FRY: variants seen among roughly 807,000 people sequenced by gnomAD.
The protein encoded by FRY is protein furry homolog.
In FRY, 128 loss-of-function variants were observed where a neutral mutation model predicts 348.4. The ratio of observed to expected loss-of-function variants is 0.37; its 90% CI spans 0.32 to 0.43. The LOEUF (loss-of-function observed/expected upper bound fraction) is 0.43. Among genes scored for constraint, FRY ranks in the 20% least tolerant of loss-of-function variants. The pLI, the probability that FRY is intolerant of heterozygous loss-of-function variation, is 1.00. For missense variants in FRY, 2,736 were observed against 3,695.2 expected, an observed-to-expected ratio of 0.74 and a Z score of 6.73; for synonymous variants, 1,370 against 1,374.7, an observed-to-expected ratio of 1.00 and a Z score of 0.08.
At chr13:32,130,433 T>A (rs1206854877) in intron 7 of FRY, among the ~76,000 whole-genome samples, 1 of 149,222 alleles carries the variant, frequency 6.7e-6, no homozygotes, top group Non-Finnish European at 1.5e-5. Flanking sequence ...AATCTTAGAC[T>A]GTTTTCTTTG....
At chr13:32,278,141 A>G (rs1037699926) in intron 57 of FRY, among the ~76,000 whole-genome samples, 2 of 152,164 alleles carry the variant, frequency 1.3e-5, no homozygotes, top group African/African-American at 4.8e-5. Flanking sequence ...TCTAACCCCA[A>G]TTGTATGGAA....
chr13:32,041,226 C>A (rs1347441755), intron 1 of FRY, among the ~76,000 whole-genome samples: 1 of 146,670 alleles, frequency 6.8e-6, no homozygotes, highest in Non-Finnish European at 1.5e-5. Flanking sequence ...AATTGAATGA[C>A]AACATGGACT....
Position 32,038,722 on chromosome 13 carries a change from T to C in FRY, c.70+6857T>C, listed in dbSNP as rs1361600828. The C allele has an allele frequency of 2.0e-5, 3 of 152,204 alleles. No individual in the cohort carries two copies. In the East Asian group the frequency reaches 5.8e-4, roughly 29 times the overall value. The allele number at this position is 152,204 out of a possible 1,614,324, so 9.4% of individuals were successfully genotyped here. A position where few individuals can be genotyped will look rare whatever the true frequency, so the allele number is the denominator to read the frequency against. On this transcript the variant is annotated intron_variant, in intron 1 of 60. Transcript: ENST00000542859. ...CTTGGAGAAACAATGGGAATGGGCTTTTCCATAAGACCATCTTTACTTACC... is the reference window on the plus strand; with the variant it reads ...CTTGGAGAAACAATGGGAATGGGCTCTTCCATAAGACCATCTTTACTTACC...
At chr13:32,158,089 T>C (rs1181527467) in intron 16 of FRY, among the ~76,000 whole-genome samples, 1 of 152,240 alleles carries the variant, frequency 6.6e-6, no homozygotes, top group Non-Finnish European at 1.5e-5. Context: ...ACTGCAAATA[T>C]AAGAATTAAT....
At chr13:32,258,335 C>T (rs938009064) in intron 51 of FRY, among the ~76,000 whole-genome samples, 5 of 152,142 alleles carry the variant, frequency 3.3e-5, no homozygotes, top group Non-Finnish European at 7.3e-5. Context: ...CTGAAATCAC[C>T]GGGTACCATG....
intron 48 of FRY, 112 bp downstream of exon 48, chr13:32,247,614 A>C: frequency 3.5e-6 from 3 of 865,910 alleles, no homozygotes; most frequent in Non-Finnish European, 5.7e-6. Context: ...ATTTCAAATG[A>C]AGATTTCTAA....
chr13:32,245,589 G>A (rs563306291), intron 47 of FRY, among the ~76,000 whole-genome samples: 6 of 152,220 alleles, frequency 3.9e-5, no homozygotes, highest in East Asian at 3.9e-4. Flanking sequence ...ACTCCAACCC[G>A]GCCAACAGTG....
At chr13:32,044,356 T>C (rs754302587) in intron 1 of FRY, among the ~76,000 whole-genome samples, 42 of 152,208 alleles carry the variant, frequency 2.8e-4, no homozygotes, top group Non-Finnish European at 5.6e-4. Flanking sequence ...ATTTACAGCC[T>C]CCCTAAGCTA....
At chr13:32,143,307 C>G (rs542657630) in intron 11 of FRY, among the ~76,000 whole-genome samples, 1 of 152,312 alleles carries the variant, frequency 6.6e-6, no homozygotes, top group African/African-American at 2.4e-5. Flanking sequence ...TTGCAATGAT[C>G]TGATATCATC....
Position 32,184,661 on chromosome 13 carries a change from T to C in FRY, c.3116T>C (p.Leu1039Pro). The C allele has an allele frequency of 6.2e-7, 1 of 1,611,150 alleles. No individual in the cohort carries two copies. The highest frequency in any genetic ancestry group is 2.2e-5 in the East Asian group (1 of 44,864). Reference sequence around the variant, plus strand: ...CTACAACTACTTCGAATTTTTGAACTTTTGGCTGATGCTGGTGTAATAAGT... The same window carrying C: ...CTACAACTACTTCGAATTTTTGAACCTTTGGCTGATGCTGGTGTAATAAGT... ...LRLQLLRIFE[L>P]LADAGVISDS... The change falls in exon 25 of 61, where the codon CTT becomes CCT. Residue 1039 changes from leucine to proline, a missense_variant. Physicochemically the swap from Leu to Pro is moderately conservative, Grantham distance 98. Transcript: ENST00000542859.
chr13:32,257,673 T>A (rs1887409015), intron 51 of FRY, among the ~76,000 whole-genome samples: 1 of 152,214 alleles, frequency 6.6e-6, no homozygotes, highest in South Asian at 2.1e-4. Context: ...GAGACCAAAG[T>A]TGTCACAGAG....
chr13:32,051,409 AAAAG>A (rs1390725654), intron 1 of FRY, among the ~76,000 whole-genome samples: 2 of 152,192 alleles, frequency 1.3e-5, no homozygotes, highest in Non-Finnish European at 2.9e-5. Flanking sequence ...ACCGGAATGA[AAAAG>A]AAGCCCAACA....
chr13:32,253,536 G>T (rs1245265051), intron 50 of FRY, among the ~76,000 whole-genome samples: 2 of 152,112 alleles, frequency 1.3e-5, no homozygotes, highest in African/African-American at 4.8e-5. Context: ...TATATACCAA[G>T]TTCTACCAAA....
chr13:32,239,693 A>AT lies in FRY; in HGVS notation c.6517-11dup, dbSNP rs758946061. 3.6e-5 allele frequency: 56 copies of AT among 1,573,104 alleles called. 2 individuals carry two copies. In the South Asian group the frequency reaches 4.8e-4, roughly 13 times the overall value. Reference sequence around the variant, plus strand: ...CATTGGGCTATTTTATTCCTAATTGATTTTTTTATTTTAAAAGGTTTGTTT... The same window carrying AT: ...CATTGGGCTATTTTATTCCTAATTGATTTTTTTTATTTTAAAAGGTTTGTTT... On this transcript the variant is annotated splice_polypyrimidine_tract_variant and intron_variant, in intron 45 of 60. Transcript: ENST00000542859. The surrounding 1 kb of genome is among the most constrained non-coding windows in gnomAD (Gnocchi z 4.3).
chr13:32,274,766 C>A, intron 55 of FRY, 76 bp from the exon 56 acceptor site: 1 of 1,013,586 alleles, frequency 9.9e-7, no homozygotes, highest in Non-Finnish European at 1.5e-6. Context: ...AAAGAAGCTA[C>A]CCCTCCCCCA....
intron 25 of FRY, 83 bp from the exon 26 acceptor site, chr13:32,184,891 GAC>G (rs1882937753): frequency 8.3e-7 from 1 of 1,209,194 alleles, no homozygotes; most frequent in Non-Finnish European, 1.2e-6. Flanking sequence ...TGTGAGTTGT[GAC>G]AGTGAATCTT....
intron 13 of FRY, among the ~76,000 whole-genome samples, chr13:32,149,039 A>G (rs1437326279): frequency 6.7e-6 from 1 of 149,094 alleles, no homozygotes; most frequent in East Asian, 1.9e-4. Context: ...ATGTACATAT[A>G]CACACATATA....
rs1369464039 is a variant in FRY, at chr13:32,037,047, CACACACACACAA to C, written c.70+5194_70+5205del. On this transcript the variant is annotated intron_variant, in intron 1 of 60. Coordinates refer to ENST00000542859, the MANE Select transcript of FRY (RefSeq NM_023037.3). ...TGTTTTACACACACACACACACACA[CACACACACACAA>C]ACACACACACACGTGCTGGAGAGCA... Among the ~76,000 whole-genome samples the C allele has an allele frequency of 2.0e-3, 212 of 104,012 alleles. 1 individual carries two copies. The highest frequency in any genetic ancestry group is 0.018 in the Middle Eastern group (4 of 220). 68.2% of individuals were successfully genotyped at this position (104,012 alleles called of 152,430 possible). A position where few individuals can be genotyped will look rare whatever the true frequency, so the allele number is the denominator to read the frequency against.
At chr13:32,230,065 A>G (rs1182394579) in intron 40 of FRY, among the ~76,000 whole-genome samples, 1 of 152,206 alleles carries the variant, frequency 6.6e-6, no homozygotes, top group African/African-American at 2.4e-5. Context: ...ATATTTTTTT[A>G]ACTCACATTT....
Sources: allele counts gnomAD v4.1 joint callset (sites outside exome capture counted in the v4.1 genomes callset), GRCh38; gene constraint gnomAD v4.1.1; non-coding constraint Gnocchi (gnomAD v3.1); transcripts MANE v1.5; gene names NCBI Gene and HGNC (gene_info 2026-07-23, HGNC 2026-07-21).